KMT5B: variants seen among roughly 807,000 people sequenced by gnomAD.
The protein encoded by KMT5B is lysine methyltransferase 5B.
In KMT5B, 10 loss-of-function variants were observed where a neutral mutation model predicts 83.2. That is an observed-to-expected ratio of 0.12 (90% confidence interval 0.07 to 0.20). The LOEUF is 0.20. KMT5B is among the 10% of genes least tolerant of loss of function. The pLI is 1.00. For missense variants in KMT5B, 753 were observed against 1,067.2 expected, an observed-to-expected ratio of 0.71 and a Z score of 4.10; for synonymous variants, 349 against 388.8, an observed-to-expected ratio of 0.90 and a Z score of 1.20.
At chr11:68,199,929 C>G (rs1042778113) in intron 1 of KMT5B, among the ~76,000 whole-genome samples, 4 of 152,174 alleles carry the variant, frequency 2.6e-5, no homozygotes, top group Non-Finnish European at 5.9e-5. Context: ...AGGGATGTGA[C>G]AAAGACTATA....
chr11:68,211,468 TTA>T (rs1860886016), intron 1 of KMT5B, among the ~76,000 whole-genome samples: 1 of 152,226 alleles, frequency 6.6e-6, no homozygotes, highest in South Asian at 2.1e-4. Flanking sequence ...TAAAATATAA[TTA>T]TGTTTGTAAA....
At chr11:68,165,615 G>T in intron 10 of KMT5B, 1 of 673,012 alleles carries the variant, frequency 1.5e-6, no homozygotes, top group Non-Finnish European at 2.1e-6. Flanking sequence ...GGGGCTACAG[G>T]TGTGCCACCA....
intron 1 of KMT5B, among the ~76,000 whole-genome samples, chr11:68,206,725 A>T (rs1293333539): frequency 6.6e-6 from 1 of 152,220 alleles, no homozygotes; most frequent in Non-Finnish European, 1.5e-5. Context: ...AAAGTAAAGC[A>T]GGCCAGAAAC....
At chr11:68,165,449 A>G (rs1284580423) in intron 10 of KMT5B, among the ~76,000 whole-genome samples, 1 of 151,900 alleles carries the variant, frequency 6.6e-6, no homozygotes, top group Non-Finnish European at 1.5e-5. Flanking sequence ...GGCTGCAGTG[A>G]GCTGAGAGTG....
At chr11:68,198,904 T>C (rs1859067813) in intron 1 of KMT5B, among the ~76,000 whole-genome samples, 1 of 152,164 alleles carries the variant, frequency 6.6e-6, no homozygotes, top group African/African-American at 2.4e-5. Context: ...TGATTTTTTG[T>C]ATTTCTAGTA....
chr11:68,169,476 G>A (rs903797068), intron 9 of KMT5B, among the ~76,000 whole-genome samples: 27 of 152,196 alleles, frequency 1.8e-4, no homozygotes, highest in African/African-American at 6.5e-4. Context: ...TGCCTTCATG[G>A]AGCTCATATT....
rs546340626 is a variant in KMT5B, at chr11:68,188,246, G to A, written c.160+1671C>T. On this transcript the variant is annotated intron_variant, in intron 2 of 10. Coordinates refer to ENST00000304363, the MANE Select transcript of KMT5B (RefSeq NM_017635.5). ...TGACCGTATTAGCCAGGATGGTCTC[G>A]ATCTCCTGACCTCATGATCCACCCA... 7.3e-5 allele frequency among the ~76,000 whole-genome samples: 11 copies of A among 151,716 alleles called. No homozygotes were observed. In the East Asian group the frequency reaches 1.7e-3, roughly 24 times the overall value.
chr11:68,213,216 C>A lies in KMT5B; in HGVS notation c.-155G>T, dbSNP rs1330204313. The A allele has an allele frequency of 6.9e-6, 1 of 145,422 alleles. No individual in the cohort carries two copies. The highest frequency in any genetic ancestry group is 2.5e-5 in the African/African-American group (1 of 40,396). The allele number at this position is 145,422 out of a possible 1,614,324, so 9.0% of individuals were successfully genotyped here. On this transcript the variant is annotated 5_prime_UTR_variant, in exon 1 of 11. Coordinates refer to ENST00000304363, the MANE Select transcript of KMT5B (RefSeq NM_017635.5). ...CCGCTGCGATGCGGGGCCGCGCCGC[C>A]GGGCCCCGCGTCCCAGTCCCCCCCA...
intron 10 of KMT5B, among the ~76,000 whole-genome samples, chr11:68,159,639 G>A (rs1458229561): frequency 2.0e-5 from 3 of 152,196 alleles, no homozygotes; most frequent in Non-Finnish European, 4.4e-5. Flanking sequence ...TTAACATAGA[G>A]TAGAAATAGA....
intron 3 of KMT5B, among the ~76,000 whole-genome samples, chr11:68,183,880 G>C (rs1375879407): frequency 2.0e-5 from 3 of 151,500 alleles, no homozygotes; most frequent in Admixed American, 2.0e-4. Context: ...GGCTGGTCTC[G>C]AACTCCTGAC....
At chr11:68,203,042 C>G (rs1026213483) in intron 1 of KMT5B, among the ~76,000 whole-genome samples, 2 of 152,110 alleles carry the variant, frequency 1.3e-5, no homozygotes, top group South Asian at 4.1e-4. Flanking sequence ...GTGGCACGAT[C>G]TCAGCTCACT....
chr11:68,199,062 T>C (rs2153081739), intron 1 of KMT5B, among the ~76,000 whole-genome samples: 1 of 152,274 alleles, frequency 6.6e-6, no homozygotes, highest in Admixed American at 6.5e-5. Context: ...TGTATTAGCT[T>C]GGTGCAAAAG....
chr11:68,165,880 T>C, intron 10 of KMT5B: 1 of 1,612,890 alleles, frequency 6.2e-7, no homozygotes, highest in Non-Finnish European at 8.5e-7. Context: ...CAGCAGCAGG[T>C]AGATTCAGGA....
intron 10 of KMT5B, chr11:68,166,082 C>G: frequency 1.3e-6 from 2 of 1,513,306 alleles, no homozygotes; most frequent in East Asian, 2.3e-5. Context: ...CCAACAAAGG[C>G]ATACTTTCGG....
intron 1 of KMT5B, among the ~76,000 whole-genome samples, chr11:68,199,604 C>T (rs775496247): frequency 1.3e-5 from 2 of 152,226 alleles, no homozygotes; most frequent in Non-Finnish European, 2.9e-5. Flanking sequence ...ACGATCCAAC[C>T]CACAGTTTTA....
At chr11:68,213,409 C>A (rs1242793726), upstream of KMT5B, 1 of 146,480 alleles carries the variant, frequency 6.8e-6, no homozygotes, top group South Asian at 1.8e-4. Flanking sequence ...TCGCGCCCCC[C>A]GCGCCCCCGG....
chr11:68,212,370 G>A (rs1402455038), intron 1 of KMT5B, among the ~76,000 whole-genome samples: 1 of 152,124 alleles, frequency 6.6e-6, no homozygotes, highest in East Asian at 1.9e-4. Context: ...TAACTTCAAA[G>A]AACACATGTT....
At chr11:68,173,700 T>G (rs1590962858) in intron 6 of KMT5B, 104 bp downstream of exon 6, 3 of 782,380 alleles carry the variant, frequency 3.8e-6, no homozygotes. Context: ...TACTTCAGGG[T>G]AAACTCTGGC....
At chr11:68,166,920 T>G in intron 10 of KMT5B, 62 bp downstream of exon 10, 1 of 1,597,634 alleles carries the variant, frequency 6.3e-7, no homozygotes, top group Non-Finnish European at 8.5e-7. Context: ...AAGCACACTT[T>G]ATAAAGCAAA....
Sources: gnomAD v4.1 joint callset for allele counts (sites outside exome capture counted in the v4.1 genomes callset) on GRCh38, gnomAD v4.1.1 for gene constraint, MANE v1.5 for transcripts, NCBI Gene and HGNC (gene_info 2026-07-23, HGNC 2026-07-21) for gene names.